WDR41: variants seen among roughly 807,000 people sequenced by gnomAD.
The protein encoded by WDR41 is WD repeat domain 41, also known as WD repeat-containing protein 41.
In WDR41, 63 loss-of-function variants were observed where a neutral mutation model predicts 69.3. The ratio of observed to expected loss-of-function variants is 0.91; its 90% CI spans 0.74 to 1.12. The LOEUF is 1.12. WDR41 is among the 50% of genes most tolerant of loss of function. The pLI is 0.00. For missense variants in WDR41, 543 were observed against 534.5 expected (o/e 1.02, Z -0.16); for synonymous variants, 185 against 192.1 (o/e 0.96, Z 0.31).
At chr5:77,458,558 G>A (rs147068613) in intron 5 of WDR41, among the ~76,000 whole-genome samples, 59 of 152,172 alleles carry the variant, frequency 3.9e-4, no homozygotes, top group African/African-American at 1.4e-3. Flanking sequence ...CAGAGCTTCT[G>A]TCATATCATT....
chr5:77,500,417 A>G (rs1256312282), intron 1 of WDR41, among the ~76,000 whole-genome samples: 1 of 152,218 alleles, frequency 6.6e-6, no homozygotes, highest in Non-Finnish European at 1.5e-5. Context: ...AGATCAGTGA[A>G]ATTAATAAGC....
At chr5:77,482,636 C>A (rs1169279353) in intron 2 of WDR41, among the ~76,000 whole-genome samples, 1 of 152,028 alleles carries the variant, frequency 6.6e-6, no homozygotes, top group Non-Finnish European at 1.5e-5. Context: ...AAGACCACCC[C>A]AAAGGCAGAT....
intron 1 of WDR41, chr5:77,545,546 G>A (rs907790447): frequency 3.9e-6 from 1 of 258,262 alleles, no homozygotes; most frequent in Non-Finnish European, 7.5e-6. Flanking sequence ...TTGAGGACAA[G>A]GAGTTGGATG....
intron 1 of WDR41, among the ~76,000 whole-genome samples, chr5:77,517,130 C>G (rs754435702): frequency 6.6e-6 from 1 of 152,036 alleles, no homozygotes; most frequent in Non-Finnish European, 1.5e-5. Flanking sequence ...GTTATATGGA[C>G]ACAGACAGCT....
At chr5:77,530,524 T>A (rs916159437) in intron 1 of WDR41, among the ~76,000 whole-genome samples, 5 of 151,692 alleles carry the variant, frequency 3.3e-5, no homozygotes, top group African/African-American at 1.2e-4. Context: ...AAGAATATAC[T>A]GAACAAGTCT....
intron 2 of WDR41, among the ~76,000 whole-genome samples, chr5:77,472,458 C>A (rs1270140755): frequency 6.6e-6 from 1 of 150,924 alleles, no homozygotes; most frequent in Non-Finnish European, 1.5e-5. Context: ...AAAGGGTATT[C>A]AATTAGGAAA....
At chr5:77,457,981 A>C (rs1318065652) in intron 5 of WDR41, among the ~76,000 whole-genome samples, 1 of 152,146 alleles carries the variant, frequency 6.6e-6, no homozygotes, top group Non-Finnish European at 1.5e-5. Flanking sequence ...GTTTACCAAA[A>C]GGAATTTCCC....
intron 1 of WDR41, among the ~76,000 whole-genome samples, chr5:77,596,882 G>A (rs1206698353): frequency 6.6e-6 from 1 of 151,930 alleles, no homozygotes; most frequent in South Asian, 2.1e-4. Flanking sequence ...TGGGAGGGAG[G>A]TTAAGGGGGT....
intron 1 of WDR41, among the ~76,000 whole-genome samples, chr5:77,536,957 C>T (rs557966470): frequency 6.6e-6 from 1 of 152,278 alleles, no homozygotes; most frequent in East Asian, 1.9e-4. Flanking sequence ...TTAATTCCTG[C>T]CTCATCTTTT....
chr5:77,568,696 C>T (rs1743680817), intron 1 of WDR41, among the ~76,000 whole-genome samples: 1 of 152,058 alleles, frequency 6.6e-6, no homozygotes, highest in African/African-American at 2.4e-5. Flanking sequence ...GCCATGGAAA[C>T]ACAAGAATTA....
intron 1 of WDR41, among the ~76,000 whole-genome samples, chr5:77,575,896 C>T (rs777972272): frequency 6.7e-6 from 1 of 148,186 alleles, no homozygotes; most frequent in Non-Finnish European, 1.5e-5. Flanking sequence ...AAAAATGCAC[C>T]GAGTCTACAA....
rs1798749534 is a variant in WDR41, at chr5:77,432,205, C to T, written c.*930G>A. On this transcript the variant is annotated 3_prime_UTR_variant, in exon 13 of 13. Coordinates refer to ENST00000296679, the MANE Select transcript of WDR41 (RefSeq NM_018268.4). Reference sequence around the variant, plus strand: ...AACATCTGTCACGTTGCCCTTTCTTCATCAGTAGTTTAAGAATTTCAATCT... The same window carrying T: ...AACATCTGTCACGTTGCCCTTTCTTTATCAGTAGTTTAAGAATTTCAATCT... 6.6e-6 allele frequency: 1 copy of T among 152,208 alleles called. No individual in the cohort carries two copies. The highest frequency in any genetic ancestry group is 1.5e-5 in the Non-Finnish European group (1 of 68,038). 9.4% of individuals were successfully genotyped at this position (152,208 alleles called of 1,614,324 possible). A position where few individuals can be genotyped will look rare whatever the true frequency, so the allele number is the denominator to read the frequency against.
chr5:77,471,989 A>G (rs894053025), intron 2 of WDR41, among the ~76,000 whole-genome samples: 2 of 152,240 alleles, frequency 1.3e-5, no homozygotes, highest in African/African-American at 4.8e-5. Context: ...ATTTTAGACC[A>G]ATAACCCTGA....
chr5:77,492,340 A>G, upstream of WDR41: 1 of 1,360,032 alleles, frequency 7.4e-7, no homozygotes, highest in Non-Finnish European at 1.0e-6. Flanking sequence ...TTCCCGCCCC[A>G]GATCAGCCCA....
chr5:77,551,945 C>T (rs1173363973), intron 1 of WDR41, among the ~76,000 whole-genome samples: 1 of 150,606 alleles, frequency 6.6e-6, no homozygotes, highest in African/African-American at 2.5e-5. Flanking sequence ...TGCCACTGCA[C>T]TCCAGCCTGG....
At chr5:77,606,620 C>G (rs1326516000) in intron 1 of WDR41, among the ~76,000 whole-genome samples, 2 of 151,730 alleles carry the variant, frequency 1.3e-5, no homozygotes, top group Non-Finnish European at 2.9e-5. Context: ...CTGAGCAACA[C>G]AGTAAGACCC....
chr5:77,596,514 T>C (rs1744230950), intron 1 of WDR41, among the ~76,000 whole-genome samples: 1 of 152,088 alleles, frequency 6.6e-6, no homozygotes, highest in Admixed American at 6.5e-5. Context: ...TTTCAGTGCT[T>C]CATCAAAAAT....
intron 1 of WDR41, among the ~76,000 whole-genome samples, chr5:77,615,697 A>AC (rs1744668795): frequency 1.3e-5 from 2 of 150,716 alleles, no homozygotes; most frequent in Non-Finnish European, 3.0e-5. Context: ...CAAAAAAAAA[A>AC]AAAAAAAAAA....
At chr5:77,490,452 C>T (rs767440770) in intron 1 of WDR41, among the ~76,000 whole-genome samples, 58 of 152,116 alleles carry the variant, frequency 3.8e-4, no homozygotes, top group Admixed American at 1.2e-3. Flanking sequence ...ACTGCTTAAA[C>T]GAGAAGCCTG....
Sources: allele counts gnomAD v4.1 joint callset (sites outside exome capture counted in the v4.1 genomes callset), GRCh38; gene constraint gnomAD v4.1.1; transcripts MANE v1.5; gene names NCBI Gene and HGNC (gene_info 2026-07-23, HGNC 2026-07-21).